The following ROBO2 variants were observed in gnomAD, a reference collection of about 807,000 sequenced individuals.
ROBO2 encodes the protein roundabout guidance receptor 2, also known as roundabout homolog 2.
ROBO2 carries 53 observed loss-of-function variants against 160.8 expected under a neutral mutation model. That is an observed-to-expected ratio of 0.33 (90% confidence interval 0.26 to 0.41). The LOEUF (loss-of-function observed/expected upper bound fraction) is 0.41, where lower values mean the gene tolerates loss of function less well. Ranked by LOEUF, ROBO2 falls within the 10% of genes least tolerant of loss-of-function variation. ROBO2 has a pLI of 1.00. For synonymous variants in ROBO2, 664 were observed against 611.7 expected, an observed-to-expected ratio of 1.09 and a Z score of -1.26; for missense variants, 1,577 against 1,722.4, an observed-to-expected ratio of 0.92 and a Z score of 1.49.
intron 2 of ROBO2, among the ~76,000 whole-genome samples, chr3:76,004,320 A>G (rs1012881780): frequency 2.0e-5 from 3 of 152,184 alleles, no homozygotes; most frequent in Non-Finnish European, 4.4e-5. Context: ...GACATTATTT[A>G]ATAGCCAAAA....
chr3:76,156,319 A>T (rs1267375207), intron 2 of ROBO2, among the ~76,000 whole-genome samples: 1 of 152,178 alleles, frequency 6.6e-6, no homozygotes, highest in Non-Finnish European at 1.5e-5. Flanking sequence ...AGCATTTCAA[A>T]GGTTATTTGT....
chr3:76,100,781 ACT>A (rs1453553140), intron 2 of ROBO2, among the ~76,000 whole-genome samples: 1 of 152,054 alleles, frequency 6.6e-6, no homozygotes, highest in Non-Finnish European at 1.5e-5. Flanking sequence ...CTTTATGGTA[ACT>A]CTATCTCAGT....
intron 1 of ROBO2, among the ~76,000 whole-genome samples, chr3:77,044,469 C>CT (rs1186279036): frequency 2.6e-5 from 4 of 152,020 alleles, no homozygotes; most frequent in Non-Finnish European, 5.9e-5. Context: ...CCTTTTTCTC[C>CT]TTTTTTTCCT....
chr3:77,321,064 G>T (rs1424725839), intron 2 of ROBO2, among the ~76,000 whole-genome samples: 4 of 152,136 alleles, frequency 2.6e-5, no homozygotes, highest in African/African-American at 4.8e-5. Context: ...AGGGGTTTTA[G>T]ATTTTTTTCA....
At chr3:76,410,658 G>A (rs1168777138) in intron 2 of ROBO2, among the ~76,000 whole-genome samples, 6 of 152,038 alleles carry the variant, frequency 3.9e-5, no homozygotes, top group African/African-American at 7.2e-5. Context: ...TTGAACACCC[G>A]ATTATGTAGA....
intron 2 of ROBO2, among the ~76,000 whole-genome samples, chr3:76,748,644 T>G (rs1401049654): frequency 6.6e-6 from 1 of 151,720 alleles, no homozygotes; most frequent in East Asian, 1.9e-4. Flanking sequence ...TTAAAACAAG[T>G]GGGTACATTT....
At chr3:77,478,391 T>A (rs1387241337) in intron 3 of ROBO2, among the ~76,000 whole-genome samples, 3 of 152,220 alleles carry the variant, frequency 2.0e-5, no homozygotes, top group Non-Finnish European at 4.4e-5. Context: ...AAAATGGAAA[T>A]CAAAACAGCT....
intron 2 of ROBO2, among the ~76,000 whole-genome samples, chr3:77,452,459 A>T (rs2081216044): frequency 6.6e-6 from 1 of 152,186 alleles, no homozygotes; most frequent in Non-Finnish European, 1.5e-5. Context: ...TACGAAAAGC[A>T]TGCTTATAAG....
At chr3:77,577,344 A>T (rs2093795545) in intron 14 of ROBO2, 146 bp from the exon 16 acceptor site, 4 of 869,704 alleles carry the variant, frequency 4.6e-6, no homozygotes, top group South Asian at 1.6e-5. Flanking sequence ...TTCTCAAAAA[A>T]ACTGTCACTG....
chr3:77,528,312 A>T (rs2091354800), intron 6 of ROBO2, among the ~76,000 whole-genome samples: 1 of 151,642 alleles, frequency 6.6e-6, no homozygotes, highest in Non-Finnish European at 1.5e-5. Context: ...CTTTAATAAC[A>T]ACTTATTCAA....
chr3:76,766,353 C>T (rs2061575357), intron 2 of ROBO2, among the ~76,000 whole-genome samples: 1 of 151,606 alleles, frequency 6.6e-6, no homozygotes, highest in Admixed American at 6.6e-5. Flanking sequence ...AATTCCTTTC[C>T]ATTTCAATCT....
intron 2 of ROBO2, among the ~76,000 whole-genome samples, chr3:76,545,852 G>A (rs530864399): frequency 6.6e-6 from 1 of 151,670 alleles, no homozygotes; most frequent in East Asian, 1.9e-4. Flanking sequence ...CATATACTTA[G>A]TTATTTTCCA....
chr3:77,101,543 G>A (rs1331086242), intron 2 of ROBO2, among the ~76,000 whole-genome samples: 1 of 152,174 alleles, frequency 6.6e-6, no homozygotes, highest in African/African-American at 2.4e-5. Flanking sequence ...GAAGTATATA[G>A]AAGTAGATGT....
chr3:76,342,841 T>A (rs2074311418), intron 2 of ROBO2, among the ~76,000 whole-genome samples: 2 of 152,088 alleles, frequency 1.3e-5, no homozygotes, highest in Non-Finnish European at 2.9e-5. Flanking sequence ...ACCCACTGTT[T>A]ATAGGGAAAA....
intron 2 of ROBO2, among the ~76,000 whole-genome samples, chr3:76,216,759 A>T (rs1315688831): frequency 6.6e-6 from 1 of 152,214 alleles, no homozygotes. Flanking sequence ...AACGAGACAG[A>T]AAGTTAACAA....
chr3:77,209,859 T>C (rs1466880027), intron 2 of ROBO2, among the ~76,000 whole-genome samples: 1 of 152,118 alleles, frequency 6.6e-6, no homozygotes, highest in Non-Finnish European at 1.5e-5. Context: ...TACTTACTTA[T>C]TGTGTCCAGA....
intron 2 of ROBO2, among the ~76,000 whole-genome samples, chr3:76,401,469 A>G (rs1369517373): frequency 6.6e-6 from 1 of 151,566 alleles, no homozygotes; most frequent in African/African-American, 2.4e-5. Flanking sequence ...ATCAATTGTA[A>G]CATGTAACAT....
At chr3:77,292,507 T>C (rs1031117180) in intron 2 of ROBO2, among the ~76,000 whole-genome samples, 1 of 149,586 alleles carries the variant, frequency 6.7e-6, no homozygotes, top group East Asian at 2.0e-4. Context: ...AGACATAAAG[T>C]AAAATTGATG....
At position 76,014,073 on chromosome 3, in the gene ROBO2, G is replaced by A. The variant is rs898978449; in HGVS notation, c.109+76471G>A. On this transcript the variant is annotated intron_variant, in intron 2 of 26. Coordinates refer to the ROBO2 transcript ENST00000487694. ...GGTGGCTGGGTACAGTGGCTTATGC[G>A]TGTAATCCCAGAAGTAATATGTATA... is the stretch of plus-strand genomic sequence containing the variant. 7.4e-5 allele frequency among the ~76,000 whole-genome samples: 11 copies of A among 148,978 alleles called. No individual in the cohort carries two copies. The East Asian group carries it at 8.4e-4, about 11-fold the overall frequency.
Sources: gnomAD v4.1 joint callset for allele counts (sites outside exome capture counted in the v4.1 genomes callset) on GRCh38, gnomAD v4.1.1 for gene constraint, MANE v1.5 for transcripts, NCBI Gene and HGNC (gene_info 2026-07-23, HGNC 2026-07-21) for gene names.